STK32B: variants seen among roughly 807,000 people sequenced by gnomAD.
STK32B encodes serine/threonine kinase 32B.
STK32B carries 43 observed loss-of-function variants against 52.6 expected under a neutral mutation model. That is an observed-to-expected ratio of 0.82 (90% CI 0.64 to 1.05). The LOEUF is 1.05. Ranked by LOEUF, STK32B falls within the 50% of genes least tolerant of loss-of-function variation. The pLI is 0.00. For synonymous variants in STK32B, 238 were observed against 204.3 expected (o/e 1.17, Z -1.41); for missense variants, 621 against 534.6 (o/e 1.16, Z -1.59).
upstream of STK32B, among the ~76,000 whole-genome samples, chr4:5,051,116 T>C (rs1741753555): frequency 6.6e-6 from 1 of 152,054 alleles, no homozygotes; most frequent in African/African-American, 2.4e-5. Flanking sequence ...CCAATATGAA[T>C]GGGCAAATAC....
intron 3 of STK32B, among the ~76,000 whole-genome samples, chr4:5,307,872 C>G (rs1282822815): frequency 6.6e-6 from 1 of 152,040 alleles, no homozygotes. Context: ...TTCCTGAGAG[C>G]CGAACTGCAG....
At chr4:5,408,073 C>G (rs904237312) in intron 5 of STK32B, among the ~76,000 whole-genome samples, 1 of 152,138 alleles carries the variant, frequency 6.6e-6, no homozygotes, top group African/African-American at 2.4e-5. Context: ...GACTTCCCAG[C>G]CTCCAGAACT....
chr4:5,039,860 C>T, the STK32B span, among the ~76,000 whole-genome samples: 1 of 152,344 alleles, frequency 6.6e-6, no homozygotes, highest in African/African-American at 2.4e-5. Flanking sequence ...CCCAAAATGT[C>T]ATGATGCTGC....
chr4:5,070,685 A>C (rs949089393), intron 1 of STK32B, among the ~76,000 whole-genome samples: 3 of 148,054 alleles, frequency 2.0e-5, no homozygotes, highest in Admixed American at 2.0e-4. Flanking sequence ...CACAAGTAAG[A>C]AAGGATATGG....
intron 3 of STK32B, among the ~76,000 whole-genome samples, chr4:5,234,635 CT>C (rs1218657719): frequency 6.6e-6 from 1 of 152,212 alleles, no homozygotes; most frequent in Non-Finnish European, 1.5e-5. Flanking sequence ...TAAAATGATT[CT>C]TTTCACTCTT....
intron 4 of STK32B, among the ~76,000 whole-genome samples, chr4:5,393,270 C>T (rs775585653): frequency 5.9e-5 from 9 of 152,266 alleles, no homozygotes; most frequent in African/African-American, 2.4e-5. Context: ...TATTCATAAT[C>T]GCACCTTTCC....
At chr4:5,483,594 C>G (rs1317568805) in intron 11 of STK32B, among the ~76,000 whole-genome samples, 1 of 152,078 alleles carries the variant, frequency 6.6e-6, no homozygotes, top group South Asian at 2.1e-4. Flanking sequence ...TCCTTCAGTT[C>G]TGCTCTGATC....
chr4:5,168,907 C>G (rs1363740010), intron 3 of STK32B, among the ~76,000 whole-genome samples: 1 of 152,180 alleles, frequency 6.6e-6, no homozygotes, highest in African/African-American at 2.4e-5. Flanking sequence ...CAAAACCTGC[C>G]ATCACCCATG....
the STK32B span, among the ~76,000 whole-genome samples, chr4:5,038,571 C>T: frequency 1.3e-5 from 2 of 152,248 alleles, no homozygotes; most frequent in Non-Finnish European, 2.9e-5. Context: ...CCATAGGCAA[C>T]TGTAACACAA....
At chr4:5,099,585 A>G (rs1713611402) in intron 1 of STK32B, among the ~76,000 whole-genome samples, 1 of 152,206 alleles carries the variant, frequency 6.6e-6, no homozygotes, top group Admixed American at 6.5e-5. Flanking sequence ...AGTGGTGGAA[A>G]GGTAGACAGA....
chr4:5,302,220 A>G (rs2108898415), intron 3 of STK32B, among the ~76,000 whole-genome samples: 1 of 151,908 alleles, frequency 6.6e-6, no homozygotes, highest in South Asian at 2.1e-4. Context: ...AAAAAAAAAA[A>G]TCACAAAGAA....
chr4:5,234,985 C>T (rs1724526677), intron 3 of STK32B, among the ~76,000 whole-genome samples: 1 of 152,212 alleles, frequency 6.6e-6, no homozygotes, highest in Admixed American at 6.5e-5. Flanking sequence ...TTTCCATAAA[C>T]CAAGCACAGT....
intron 1 of STK32B, among the ~76,000 whole-genome samples, chr4:5,063,374 G>A (rs552158428): frequency 7.8e-4 from 118 of 151,828 alleles, no homozygotes; most frequent in Admixed American, 1.6e-3. Flanking sequence ...AGAGAGTCTC[G>A]CTCTGTCACC....
chr4:5,489,378 A>G (rs954836989), intron 11 of STK32B, among the ~76,000 whole-genome samples: 1 of 152,202 alleles, frequency 6.6e-6, no homozygotes, highest in Non-Finnish European at 1.5e-5. Flanking sequence ...TTTCCTGTCC[A>G]TAACTCAGAA....
intron 1 of STK32B, among the ~76,000 whole-genome samples, chr4:5,090,216 T>G (rs928754700): frequency 3.9e-5 from 6 of 152,224 alleles, no homozygotes; most frequent in African/African-American, 1.2e-4. Flanking sequence ...TTAGTTTAAT[T>G]AGATCCCATT....
At chr4:5,162,485 C>T (rs991677244) in intron 2 of STK32B, among the ~76,000 whole-genome samples, 2 of 152,218 alleles carry the variant, frequency 1.3e-5, no homozygotes, top group African/African-American at 2.4e-5. Context: ...TCCACTGACT[C>T]AGGATCCATT....
intron 4 of STK32B, among the ~76,000 whole-genome samples, chr4:5,372,725 G>GCGAGGC (rs1553880200): frequency 5.9e-4 from 89 of 150,632 alleles, no homozygotes; most frequent in Admixed American, 1.8e-3. Context: ...AAAGTTGGGG[G>GCGAGGC]GGGGGGCGGT....
intron 6 of STK32B, chr4:5,435,902 C>G (rs1344186843): frequency 6.6e-6 from 1 of 152,328 alleles, no homozygotes; most frequent in Non-Finnish European, 1.5e-5. Context: ...GAGGAGTCCA[C>G]TGTACCTGTG....
chr4:5,476,828 A>G (rs901096591), intron 11 of STK32B, among the ~76,000 whole-genome samples: 1 of 151,194 alleles, frequency 6.6e-6, no homozygotes, highest in African/African-American at 2.4e-5. Flanking sequence ...ACTAAATCCA[A>G]TGGCACATAG....
Sources: allele counts gnomAD v4.1 joint callset (sites outside exome capture counted in the v4.1 genomes callset), GRCh38; gene constraint gnomAD v4.1.1; transcripts MANE v1.5; gene names NCBI Gene and HGNC (gene_info 2026-07-23, HGNC 2026-07-21).